The following ZNF536 variants were observed in gnomAD, a reference collection of about 807,000 sequenced individuals.
The protein encoded by ZNF536 is zinc finger protein 536.
In ZNF536, 13 loss-of-function variants were observed where a neutral mutation model predicts 84.5. The observed-to-expected ratio is 0.15, with a 90% CI of 0.10 to 0.24. ZNF536 has a LOEUF of 0.24. Among genes scored for constraint, ZNF536 ranks in the 10% least tolerant of loss-of-function variants. The pLI is 1.00. For synonymous variants in ZNF536, 811 were observed against 742.5 expected (o/e 1.09, Z -1.50); for missense variants, 1,536 against 1,747.5 (o/e 0.88, Z 2.16).
intron 1 of ZNF536, among the ~76,000 whole-genome samples, chr19:30,394,364 AG>A (rs2049724412): frequency 6.6e-6 from 1 of 152,244 alleles, no homozygotes; most frequent in Admixed American, 6.5e-5. Flanking sequence ...TAACTATGAT[AG>A]TGCATGTGTG....
chr19:30,286,560 G>A (rs930546689), intron 2 of ZNF536, among the ~76,000 whole-genome samples: 3 of 149,164 alleles, frequency 2.0e-5, no homozygotes, highest in African/African-American at 2.5e-5. Flanking sequence ...GAGAGAGACC[G>A]AGAGAGACAG....
chr19:30,630,039 C>T (rs750899430), intron 1 of ZNF536, among the ~76,000 whole-genome samples: 9 of 152,198 alleles, frequency 5.9e-5, no homozygotes, highest in Non-Finnish European at 1.0e-4. Context: ...AAAGTGTGAA[C>T]TTAAAAAACA....
chr19:30,269,954 G>T (rs946007551), intron 1 of ZNF536, among the ~76,000 whole-genome samples: 1 of 152,158 alleles, frequency 6.6e-6, no homozygotes, highest in Admixed American at 6.5e-5. Flanking sequence ...TTTTGTTTTG[G>T]TTGTGATCAC....
intron 1 of ZNF536, among the ~76,000 whole-genome samples, chr19:30,439,170 C>T (rs760916277): frequency 2.0e-5 from 3 of 152,084 alleles, no homozygotes; most frequent in Middle Eastern, 3.2e-3. Flanking sequence ...TGCACACACA[C>T]GCACACACAC....
At chr19:30,559,337 T>A (rs2046075413), downstream of ZNF536, among the ~76,000 whole-genome samples, 1 of 152,256 alleles carries the variant, frequency 6.6e-6, no homozygotes, top group Non-Finnish European at 1.5e-5. Flanking sequence ...GCCCCAGGTC[T>A]GTGTGGCCAC....
At chr19:30,457,242 C>G (rs2052898513) in intron 2 of ZNF536, among the ~76,000 whole-genome samples, 1 of 152,190 alleles carries the variant, frequency 6.6e-6, no homozygotes, top group African/African-American at 2.4e-5. Flanking sequence ...TCAATTAGCT[C>G]AGCGACTTCT....
intron 1 of ZNF536, among the ~76,000 whole-genome samples, chr19:30,270,975 G>A (rs999188376): frequency 2.6e-5 from 4 of 151,558 alleles, no homozygotes; most frequent in Admixed American, 6.6e-5. Context: ...TGAAACATCT[G>A]CCATCCCCTT....
chr19:30,377,280 G>A (rs1027552071), intron 1 of ZNF536, among the ~76,000 whole-genome samples: 25 of 152,050 alleles, frequency 1.6e-4, no homozygotes, highest in Non-Finnish European at 2.9e-4. Context: ...CGTGTGGGCC[G>A]CGCTCACAGA....
chr19:30,376,281 C>A (rs2048816150), intron 1 of ZNF536, among the ~76,000 whole-genome samples: 1 of 152,152 alleles, frequency 6.6e-6, no homozygotes, highest in African/African-American at 2.4e-5. Flanking sequence ...GTGATGGTGG[C>A]TCTTGACCTC....
intron 1 of ZNF536, among the ~76,000 whole-genome samples, chr19:30,668,323 G>T (rs1053125856): frequency 6.6e-6 from 1 of 152,152 alleles, no homozygotes; most frequent in African/African-American, 2.4e-5. Flanking sequence ...TGCTAGGACA[G>T]GTCCTGCATC....
chr19:30,549,355 G>T lies in ZNF536; in HGVS notation c.3736G>T (p.Ala1246Ser), dbSNP rs2146252398. Residue 1246 changes from alanine to serine, a missense_variant, in exon 4 of 5, where the codon GCG becomes TCG. Around this residue, in one of 8 missense-constraint regions of ZNF536, gnomAD observed 624 missense variants for 603.1 expected, o/e 1.03. Coordinates refer to ENST00000355537, the MANE Select transcript of ZNF536 (RefSeq NM_014717.3). ...QGLLQAQDPL[A>S]GLPKPERGPQ... is the part of the protein sequence containing the mutation. ...TCTTCTCCAAGCCCAGGACCCCTTG[G>T]CGGGCCTGCCAAAGCCGGAGCGGGG... The T allele has an allele frequency of 6.2e-7, 1 of 1,603,332 alleles. No individual in the cohort carries two copies. Among genetic ancestry groups the T allele is most frequent in the African/African-American group, 1.3e-5 (1 of 74,854 alleles).
At chr19:30,659,508 G>A (rs2050041132) in intron 1 of ZNF536, among the ~76,000 whole-genome samples, 1 of 150,792 alleles carries the variant, frequency 6.6e-6, no homozygotes, top group African/African-American at 2.4e-5. Context: ...ACATACCCAA[G>A]ACTGGGTAAT....
intron 1 of ZNF536, among the ~76,000 whole-genome samples, chr19:30,430,462 A>T (rs1481177032): frequency 1.3e-5 from 2 of 152,164 alleles, no homozygotes; most frequent in Non-Finnish European, 2.9e-5. Flanking sequence ...AACAAACCCA[A>T]CCTAATGTAG....
chr19:30,689,361 CA>C (rs1262421879), intron 1 of ZNF536, among the ~76,000 whole-genome samples: 2 of 152,190 alleles, frequency 1.3e-5, no homozygotes, highest in Non-Finnish European at 2.9e-5. Context: ...GCTCAAATGC[CA>C]AAAACATGTC....
chr19:30,690,044 G>GT (rs1356058343), intron 1 of ZNF536, among the ~76,000 whole-genome samples: 1 of 152,194 alleles, frequency 6.6e-6, no homozygotes, highest in Non-Finnish European at 1.5e-5. Flanking sequence ...TGTAAACACT[G>GT]TCTTAATTGA....
chr19:30,615,196 C>T (rs1030301345), intron 1 of ZNF536, among the ~76,000 whole-genome samples: 1 of 149,860 alleles, frequency 6.7e-6, no homozygotes, highest in Non-Finnish European at 1.5e-5. Flanking sequence ...CCGCCCGTCT[C>T]GGCCTCCCAA....
Position 30,434,214 on chromosome 19 carries a change from T to A in ZNF536, c.-2-9347T>A, listed in dbSNP as rs186638328. Among the ~76,000 whole-genome samples, 219 of 152,348 alleles carry A rather than the reference T, an allele frequency of 1.4e-3. 2 individuals are homozygous for A. The highest frequency in any genetic ancestry group is 5.3e-4 in the Non-Finnish European group (36 of 68,024). ...AGAATGTGGAATAATGTATCAGCCCTTCTATATATTAAGAAAATAGAAGAG... is the reference window on the plus strand; with the variant it reads ...AGAATGTGGAATAATGTATCAGCCCATCTATATATTAAGAAAATAGAAGAG... On this transcript the variant is annotated intron_variant, in intron 1 of 4. Coordinates refer to ENST00000355537, the MANE Select transcript of ZNF536 (RefSeq NM_014717.3).
chr19:30,363,332 C>A (rs893509446), intron 3 of ZNF536, among the ~76,000 whole-genome samples: 3 of 152,120 alleles, frequency 2.0e-5, no homozygotes. Context: ...TGTTGTGACC[C>A]CTTGAGTTTT....
intron 2 of ZNF536, among the ~76,000 whole-genome samples, chr19:30,328,750 G>T (rs1173557807): frequency 6.6e-6 from 1 of 152,252 alleles, no homozygotes; most frequent in Non-Finnish European, 1.5e-5. Flanking sequence ...TCATAGATGT[G>T]AATTGGGGTT....
Sources: gnomAD v4.1 joint callset for allele counts (sites outside exome capture counted in the v4.1 genomes callset) on GRCh38, gnomAD v4.1.1 for gene constraint, gnomAD v4.1.1 regional missense constraint, MANE v1.5 for transcripts, NCBI Gene and HGNC (gene_info 2026-07-23, HGNC 2026-07-21) for gene names.